The following PLSCR2 variants were observed in gnomAD, a reference collection of about 807,000 sequenced individuals.
The protein encoded by PLSCR2 is PL scramblase 2.
PLSCR2 carries 18 observed loss-of-function variants against 25.3 expected under a neutral mutation model. The observed-to-expected ratio is 0.71, with a 90% CI of 0.49 to 1.06. The LOEUF (loss-of-function observed/expected upper bound fraction) is 1.06, where lower values mean the gene tolerates loss of function less well. Ranked by LOEUF, PLSCR2 falls within the 50% of genes least tolerant of loss-of-function variation. The probability of loss-of-function intolerance (pLI) is 0.00; values close to 1 mark genes in which losing one functional copy is unlikely to be tolerated. For missense variants in PLSCR2, 243 were observed against 269.5 expected (o/e 0.90, Z 0.69); for synonymous variants, 88 against 87.3 (o/e 1.01, Z -0.04).
At chr3:146,440,175 A>G (rs1460310586), downstream of PLSCR2, among the ~76,000 whole-genome samples, 2 of 152,152 alleles carry the variant, frequency 1.3e-5, no homozygotes, top group African/African-American at 2.4e-5. Context: ...TGAGGTGTCA[A>G]TTGGCCCCTA....
At chr3:146,471,630 G>A (rs1184232634) in intron 1 of PLSCR2, among the ~76,000 whole-genome samples, 2 of 149,618 alleles carry the variant, frequency 1.3e-5, no homozygotes, top group East Asian at 2.0e-4. Flanking sequence ...GCAGTGGCAC[G>A]ATCTCAGCTC....
At chr3:146,435,252 A>G (rs1403301477) in intron 8 of PLSCR2, among the ~76,000 whole-genome samples, 1 of 152,182 alleles carries the variant, frequency 6.6e-6, no homozygotes, top group African/African-American at 2.4e-5. Context: ...GTGTCTTTAT[A>G]GCAGCATGAT....
chr3:146,426,020 T>G (rs1381776798), intron 2 of PLSCR2, among the ~76,000 whole-genome samples: 3 of 152,212 alleles, frequency 2.0e-5, no homozygotes, highest in Non-Finnish European at 4.4e-5. Flanking sequence ...CCATTTATGA[T>G]TTCTTGCTAG....
chr3:146,409,678 A>C (rs2038781473), intron 2 of PLSCR2, among the ~76,000 whole-genome samples: 1 of 152,152 alleles, frequency 6.6e-6, no homozygotes, highest in Non-Finnish European at 1.5e-5. Context: ...GGACTTCATA[A>C]TTCTCTGAAA....
chr3:146,469,373 C>A (rs574318), intron 1 of PLSCR2, 122 bp downstream of exon 1: 509,319 of 955,202 alleles, frequency 0.53, 137,142 homozygotes, highest in South Asian at 0.67. Context: ...TCGCTTCCCG[C>A]GGCCCATTGG....
chr3:146,427,921 A>C (rs2039412456), intron 2 of PLSCR2, among the ~76,000 whole-genome samples: 1 of 152,142 alleles, frequency 6.6e-6, no homozygotes, highest in South Asian at 2.1e-4. Flanking sequence ...TATCTCCTTT[A>C]AATCAATCAA....
At chr3:146,483,509 A>ATATATATATACACGTGTAT (rs1553791539) in intron 1 of PLSCR2, among the ~76,000 whole-genome samples, 1 of 127,074 alleles carries the variant, frequency 7.9e-6, no homozygotes, top group Non-Finnish European at 1.7e-5. Context: ...ATATATATAT[A>ATATATATATACACGTGTAT]ATGTTACTAC....
intron 2 of PLSCR2, among the ~76,000 whole-genome samples, chr3:146,408,734 A>T (rs1184778071): frequency 1.3e-5 from 2 of 152,104 alleles, no homozygotes; most frequent in Non-Finnish European, 2.9e-5. Context: ...GGCGCTCTAA[A>T]AAACACTCCT....
upstream of PLSCR2, chr3:146,495,964 C>G (rs1204690477): frequency 6.6e-7 from 1 of 1,512,776 alleles, no homozygotes; most frequent in Non-Finnish European, 8.9e-7. Context: ...AGAATTATTG[C>G]TAGGAAGAAT....
chr3:146,489,769 C>T (rs940115277), intron 1 of PLSCR2, among the ~76,000 whole-genome samples: 1 of 152,066 alleles, frequency 6.6e-6, no homozygotes, highest in African/African-American at 2.4e-5. Flanking sequence ...ACAGAAGACC[C>T]ACCCAGATGG....
chr3:146,492,805 C>T (rs923525301), intron 1 of PLSCR2, among the ~76,000 whole-genome samples: 3 of 151,740 alleles, frequency 2.0e-5, no homozygotes, highest in African/African-American at 4.8e-5. Flanking sequence ...AAAACCAGAG[C>T]TAATTGAATG....
At chr3:146,413,909 C>T (rs2038929717) in intron 2 of PLSCR2, among the ~76,000 whole-genome samples, 1 of 152,154 alleles carries the variant, frequency 6.6e-6, no homozygotes, top group Non-Finnish European at 1.5e-5. Context: ...CTGTCTTAGT[C>T]TGTTTGGTAT....
chr3:146,469,082 GGC>G (rs1400808639), intron 1 of PLSCR2: 1 of 973,164 alleles, frequency 1.0e-6, no homozygotes, highest in Non-Finnish European at 1.2e-6. Flanking sequence ...GTGGGCTCCT[GGC>G]GGACTTCATT....
rs2040736401 is a variant in PLSCR2, at chr3:146,449,085, A to C, written c.645+121T>G. On this transcript the variant is annotated intron_variant, in intron 6 of 6. Coordinates refer to ENST00000610787, the Ensembl canonical transcript of PLSCR2. ...AGAATTTCAGTGCGGGGATTAAATG[A>C]GAACATTTTATAAAACCTTTACACT... 15 of 763,148 alleles carry C rather than the reference A, an allele frequency of 2.0e-5. No individual in the cohort carries two copies. The South Asian group carries it at 2.7e-4, about 14-fold the overall frequency. 47.3% of individuals were successfully genotyped at this position (763,148 alleles called of 1,614,324 possible).
chr3:146,418,460 G>A (rs1303852609), intron 2 of PLSCR2, among the ~76,000 whole-genome samples: 2 of 152,096 alleles, frequency 1.3e-5, no homozygotes, highest in East Asian at 3.8e-4. Context: ...AAGAAAACAT[G>A]TTACTCTTTT....
intron 2 of PLSCR2, among the ~76,000 whole-genome samples, chr3:146,427,809 G>A (rs1042963917): frequency 6.6e-6 from 1 of 152,064 alleles, no homozygotes; most frequent in Non-Finnish European, 1.5e-5. Flanking sequence ...AGCACCTTGA[G>A]GATAATAATT....
chr3:146,415,771 G>A (rs986599419), intron 2 of PLSCR2, among the ~76,000 whole-genome samples: 1 of 152,036 alleles, frequency 6.6e-6, no homozygotes, highest in Non-Finnish European at 1.5e-5. Flanking sequence ...TGATTTAATT[G>A]TATTCAATGT....
At chr3:146,445,828 A>T (rs750472174) in intron 6 of PLSCR2, among the ~76,000 whole-genome samples, 4 of 151,766 alleles carry the variant, frequency 2.6e-5, no homozygotes, top group African/African-American at 4.8e-5. Context: ...GGCAAGCTTC[A>T]TTGTTTTTTA....
At chr3:146,439,021 A>C (rs1331297931), downstream of PLSCR2, among the ~76,000 whole-genome samples, 7 of 152,030 alleles carry the variant, frequency 4.6e-5, no homozygotes, top group Admixed American at 6.6e-5. Flanking sequence ...TTTTATTTCT[A>C]CTTCACTTAT....
Sources: gnomAD v4.1 joint callset for allele counts (sites outside exome capture counted in the v4.1 genomes callset) on GRCh38, gnomAD v4.1.1 for gene constraint, MANE v1.5 for transcripts, NCBI Gene and HGNC (gene_info 2026-07-23, HGNC 2026-07-21) for gene names.